KPNB1: variants seen among roughly 807,000 people sequenced by gnomAD.
KPNB1 encodes the protein karyopherin subunit beta 1.
A neutral mutation model predicts 113.0 loss-of-function variants in KPNB1; 7 were observed. The observed-to-expected ratio is 0.06, with a 90% CI of 0.04 to 0.12. The LOEUF (loss-of-function observed/expected upper bound fraction) is 0.12, where lower values mean the gene tolerates loss of function less well. Ranked by LOEUF, KPNB1 falls within the 10% of genes least tolerant of loss-of-function variation. KPNB1 has a pLI of 1.00. For synonymous variants in KPNB1, 363 were observed against 378.6 expected (o/e 0.96, Z 0.48); for missense variants, 400 against 1,054.8 (o/e 0.38, Z 8.60).
At chr17:47,653,372 G>A (rs969919322) in intron 3 of KPNB1, among the ~76,000 whole-genome samples, 3 of 143,372 alleles carry the variant, frequency 2.1e-5, no homozygotes, top group African/African-American at 7.9e-5. Flanking sequence ...CTCCCAAGTA[G>A]CTGGGATTAC....
At chr17:47,677,328 C>G (rs565107717) in intron 17 of KPNB1, among the ~76,000 whole-genome samples, 1 of 151,774 alleles carries the variant, frequency 6.6e-6, no homozygotes, top group South Asian at 2.1e-4. Flanking sequence ...AAAAATTAGC[C>G]GGGCGTGATG....
chr17:47,658,771 TTAAAAG>T, intron 5 of KPNB1, 111 bp downstream of exon 5: 1 of 861,694 alleles, frequency 1.2e-6, no homozygotes, highest in East Asian at 2.6e-5. Context: ...TACCACCTAC[TTAAAAG>T]TATTTGTTTC....
intron 2 of KPNB1, 43 bp downstream of exon 2, chr17:47,650,487 C>T (rs536189957): frequency 3.5e-5 from 55 of 1,573,492 alleles, no homozygotes; most frequent in Non-Finnish European, 4.2e-5. Flanking sequence ...CGTCCCCATC[C>T]CCTGCGTGCG....
rs1377575076 is a variant in KPNB1 at position 47,652,589 on chromosome 17, T to C, written c.100-105T>C. On this transcript the variant is annotated intron_variant, in intron 2 of 21. Transcript: ENST00000290158. ...ATATCAAAAAAAAATTAGACATTAG[T>C]TCCCCCCCTCGCCGCCCCTCTGGTG... is the stretch of plus-strand genomic sequence containing the variant. 3.5e-5 allele frequency: 28 copies of C among 803,656 alleles called. No individual in the cohort carries two copies. The East Asian group carries it at 5.1e-4, about 15-fold the overall frequency. The allele number at this position is 803,656 out of a possible 1,614,324, so 49.8% of individuals were successfully genotyped here.
At position 47,684,667 on chromosome 17, in the gene KPNB1, A is replaced by T. The variant is rs959354076; in HGVS notation, c.*2263A>T. 1 of 152,540 alleles carries T rather than the reference A, an allele frequency of 6.6e-6. No individual in the cohort carries two copies. The highest frequency in any genetic ancestry group is 1.5e-5 in the Non-Finnish European group (1 of 68,022). 9.4% of individuals were successfully genotyped at this position (152,540 alleles called of 1,614,324 possible). ...AAAGTACACCGAGAACCATAATGAA[A>T]AAACCTTCCGTGTGTTTTGTCATGT... On this transcript the variant is annotated 3_prime_UTR_variant, in exon 22 of 22. Coordinates refer to ENST00000290158, the MANE Select transcript of KPNB1 (RefSeq NM_002265.6).
At position 47,665,142 on chromosome 17, in the gene KPNB1, A is replaced by G. The variant is rs777251659; in HGVS notation, c.983A>G (p.Gln328Arg). 1.9e-6 allele frequency: 3 copies of G among 1,613,464 alleles called. No individual in the cohort carries two copies. The highest frequency in any genetic ancestry group is 2.5e-6 in the Non-Finnish European group (3 of 1,179,354). ...CAGTATCTGGTTCCAATCCTCACAC[A>G]GACACTAACTAAACAGGTGAGTTAC... ...ALQYLVPILT[Q>R]TLTKQDENDD... Residue 328 changes from glutamine (Q) to arginine (R), a missense_variant, in exon 9 of 22, where the codon CAG becomes CGG. Transcript: ENST00000290158.
At chr17:47,675,358 G>GTTTTTTTTTTTT (rs1555619221) in intron 15 of KPNB1, among the ~76,000 whole-genome samples, 10 of 88,812 alleles carry the variant, frequency 1.1e-4, no homozygotes, top group East Asian at 2.8e-4. Flanking sequence ...TGGCAGAGGT[G>GTTTTTTTTTTTT]TTGTTTTTTT....
At chr17:47,674,278 G>T (rs539384810) in intron 14 of KPNB1, among the ~76,000 whole-genome samples, 1 of 152,282 alleles carries the variant, frequency 6.6e-6, no homozygotes, top group African/African-American at 2.4e-5. Context: ...ATGAATAAGA[G>T]CTCTAAGGTG....
chr17:47,670,860 ACGTCTTTGCAT>A, intron 12 of KPNB1, 28 bp downstream of exon 12: 1 of 1,582,638 alleles, frequency 6.3e-7, no homozygotes, highest in Non-Finnish European at 8.7e-7. Context: ...GAAATGAGTG[ACGTCTTTGCAT>A]CCAAGTTCTA....
At chr17:47,665,247 C>T in intron 9 of KPNB1, 89 bp downstream of exon 9, 1 of 945,880 alleles carries the variant, frequency 1.1e-6, no homozygotes, top group East Asian at 2.5e-5. Context: ...AACTTCGCAG[C>T]CCATCAACTA....
intron 8 of KPNB1, 56 bp from the exon 9 acceptor site, chr17:47,665,001 C>T (rs1224243368): frequency 2.4e-6 from 3 of 1,267,856 alleles, no homozygotes; most frequent in Non-Finnish European, 2.3e-6. Context: ...CATTGTATGC[C>T]TTTAGTATAC....
At position 47,668,194 on chromosome 17, in the gene KPNB1, T is replaced by C; in HGVS notation, c.1008T>C (p.Asn336=). ...CCATATTCTTTCACCAGGACGAAAA[T>C]GATGATGACGATGACTGGAACCCCT... ...LTQTLTKQDE[N]DDDDDWNPCK... is the part of the protein sequence containing the mutation. The change falls in exon 10 of 22, where the codon AAT becomes AAC. Residue 336 remains asparagine (N), a synonymous_variant. Coordinates refer to ENST00000290158, the MANE Select transcript of KPNB1 (RefSeq NM_002265.6). The C allele has an allele frequency of 2.5e-6, 4 of 1,613,320 alleles. No homozygotes were observed. The highest frequency in any genetic ancestry group is 3.4e-6 in the Non-Finnish European group (4 of 1,179,398).
intron 2 of KPNB1, 126 bp from the exon 3 acceptor site, chr17:47,652,568 C>A (rs1253192127): frequency 1.0e-5 from 6 of 593,418 alleles, no homozygotes; most frequent in African/African-American, 7.6e-5. Context: ...ATGCTTATAT[C>A]AAAAAAAAAT....
At position 47,656,872 on chromosome 17, in the gene KPNB1, T is replaced by C. The variant is rs769293513; in HGVS notation, c.295T>C (p.Leu99=). Residue 99 remains leucine, a synonymous_variant, in exon 4 of 22, where the codon TTG becomes CTG. Coordinates refer to ENST00000290158, the MANE Select transcript of KPNB1 (RefSeq NM_002265.6). ...REVKNYVLQT[L]GTETYRPSSA... Reference sequence around the variant, plus strand: ...TTTTTTGGTGCAGGTTTTGCAGACATTGGGTACAGAAACTTACCGGCCTAG... The same window carrying C: ...TTTTTTGGTGCAGGTTTTGCAGACACTGGGTACAGAAACTTACCGGCCTAG... 5.0e-6 allele frequency: 8 copies of C among 1,613,932 alleles called. No homozygotes were observed. Among genetic ancestry groups the C allele is most frequent in the African/African-American group, 4.0e-5 (3 of 74,924 alleles).
chr17:47,657,156 A>T, intron 4 of KPNB1, 96 bp downstream of exon 4: 1 of 1,040,304 alleles, frequency 9.6e-7, no homozygotes, highest in South Asian at 1.4e-5. Flanking sequence ...ATCACGAAGA[A>T]AGCCAAGCTA....
chr17:47,666,692 C>T (rs2030298549), intron 9 of KPNB1, among the ~76,000 whole-genome samples: 1 of 150,884 alleles, frequency 6.6e-6, no homozygotes. Context: ...GACCTCGGCT[C>T]ACTGTAGCCT....
intron 10 of KPNB1, among the ~76,000 whole-genome samples, chr17:47,668,675 T>C (rs1001827399): frequency 6.6e-5 from 10 of 152,206 alleles, no homozygotes; most frequent in Admixed American, 2.0e-4. Context: ...ACTCTGTATT[T>C]ATCCTTGAAG....
intron 2 of KPNB1, chr17:47,651,464 G>A (rs779899935): frequency 1.4e-4 from 75 of 537,722 alleles, no homozygotes; most frequent in Non-Finnish European, 1.7e-4. Flanking sequence ...AAGTGACAAG[G>A]CTTATTTTAT....
chr17:47,673,359 C>G (rs970643219), intron 13 of KPNB1, 131 bp from the exon 14 acceptor site: 2 of 885,310 alleles, frequency 2.3e-6, no homozygotes, highest in South Asian at 3.1e-5. Flanking sequence ...ATATGTGTTA[C>G]ACTATATGTA....
Sources: gnomAD v4.1 joint callset for allele counts (sites outside exome capture counted in the v4.1 genomes callset) on GRCh38, gnomAD v4.1.1 for gene constraint, MANE v1.5 for transcripts, NCBI Gene and HGNC (gene_info 2026-07-23, HGNC 2026-07-21) for gene names.